The following NBAS variants were observed in gnomAD, a reference collection of about 807,000 sequenced individuals.
NBAS encodes NBAS subunit of NRZ tethering complex.
A neutral mutation model predicts 302.5 loss-of-function variants in NBAS; 219 were observed. The observed-to-expected ratio is 0.72, with a 90% CI of 0.65 to 0.81. NBAS has a LOEUF of 0.81. Ranked by LOEUF, NBAS falls within the 30% of genes least tolerant of loss-of-function variation. The pLI is 0.00. For synonymous variants in NBAS, 1,118 were observed against 1,021.6 expected, an observed-to-expected ratio of 1.09 and a Z score of -1.80; for missense variants, 2,932 against 2,841.6, an observed-to-expected ratio of 1.03 and a Z score of -0.72.
chr2:15,149,034 G>A, the NBAS span, among the ~76,000 whole-genome samples: 3 of 152,192 alleles, frequency 2.0e-5, no homozygotes, highest in African/African-American at 7.2e-5. Context: ...CAGTTAAATG[G>A]TTAAATGAAT....
At position 15,468,533 on chromosome 2, in the gene NBAS, T is replaced by G. The variant is rs753777621; in HGVS notation, c.1726A>C (p.Ser576Arg). ...ACCCAGGATCGCTTCTTTATTTTAC[T>G]CTGCATATAAAGGAAGAAACAGAGG... ...VNVASIQNYL[S>R]KIKKRSWVLH... Residue 576 changes from serine to arginine, a missense_variant and splice_region_variant, in exon 17 of 52, where the codon AGT (serine) becomes CGT (arginine). Ser to Arg is a moderately radical substitution (Grantham distance 110). Coordinates refer to ENST00000281513, the MANE Select transcript of NBAS (RefSeq NM_015909.4). 9.9e-6 allele frequency: 16 copies of G among 1,613,780 alleles called. No homozygotes were observed. Among genetic ancestry groups the G allele is most frequent in the Non-Finnish European group, 1.2e-5 (14 of 1,179,720 alleles).
chr2:14,881,668 G>T, the NBAS span, among the ~76,000 whole-genome samples: 3 of 152,182 alleles, frequency 2.0e-5, no homozygotes, highest in Admixed American at 6.5e-5. Context: ...GCCAGCCAGG[G>T]CCTGTGGGCT....
At chr2:15,038,483 C>A in the NBAS span, among the ~76,000 whole-genome samples, 2 of 152,148 alleles carry the variant, frequency 1.3e-5, no homozygotes, top group Non-Finnish European at 2.9e-5. Flanking sequence ...TCACTTCGGT[C>A]TGCACATCTC....
At chr2:14,891,332 T>G in the NBAS span, among the ~76,000 whole-genome samples, 1 of 151,504 alleles carries the variant, frequency 6.6e-6, no homozygotes, top group African/African-American at 2.4e-5. Flanking sequence ...CTTTAAAATG[T>G]TTGATTTTTT....
At chr2:15,030,879 A>G in the NBAS span, among the ~76,000 whole-genome samples, 1 of 152,112 alleles carries the variant, frequency 6.6e-6, no homozygotes, top group Non-Finnish European at 1.5e-5. Context: ...GTCTCCAGAC[A>G]TTGCTGATGT....
At chr2:14,901,807 G>A in the NBAS span, among the ~76,000 whole-genome samples, 1 of 152,194 alleles carries the variant, frequency 6.6e-6, no homozygotes, top group Non-Finnish European at 1.5e-5. Context: ...CTCTCCTTCA[G>A]TGATGGCTCC....
the NBAS span, among the ~76,000 whole-genome samples, chr2:14,786,947 G>A: frequency 6.6e-6 from 1 of 152,108 alleles, no homozygotes; most frequent in Non-Finnish European, 1.5e-5. Flanking sequence ...TTATTATTGT[G>A]TGGGAGTCTA....
chr2:15,297,923 A>G (rs1188450422), intron 40 of NBAS, among the ~76,000 whole-genome samples: 1 of 152,056 alleles, frequency 6.6e-6, no homozygotes, highest in African/African-American at 2.4e-5. Context: ...TCAACTGGAT[A>G]TTCTATTTGA....
At chr2:15,458,287 G>A (rs912975946) in intron 21 of NBAS, among the ~76,000 whole-genome samples, 3 of 152,124 alleles carry the variant, frequency 2.0e-5, no homozygotes, top group Admixed American at 2.0e-4. Flanking sequence ...TATGCCTGAA[G>A]CACAAGTGTG....
the NBAS span, among the ~76,000 whole-genome samples, chr2:14,872,542 A>T: frequency 1.3e-5 from 2 of 152,082 alleles, no homozygotes; most frequent in Non-Finnish European, 1.5e-5. Flanking sequence ...TCCTTCTGAT[A>T]TTTGGAAGTG....
At chr2:15,113,343 G>GTT in the NBAS span, among the ~76,000 whole-genome samples, 1 of 151,264 alleles carries the variant, frequency 6.6e-6, no homozygotes, top group African/African-American at 2.4e-5. Context: ...GTGTGTGTGT[G>GTT]TGTGTGTGTG....
chr2:15,340,283 CA>C (rs1672784270), intron 35 of NBAS, among the ~76,000 whole-genome samples: 1 of 152,060 alleles, frequency 6.6e-6, no homozygotes, highest in Admixed American at 6.6e-5. Context: ...AAATGGAGCC[CA>C]ATTCTGAGTC....
intron 44 of NBAS, among the ~76,000 whole-genome samples, chr2:15,256,625 T>G (rs926888945): frequency 6.6e-6 from 1 of 152,208 alleles, no homozygotes; most frequent in Non-Finnish European, 1.5e-5. Flanking sequence ...GGCATCCTTG[T>G]CTTATTCCAG....
At chr2:15,231,869 C>A (rs1667396027) in intron 47 of NBAS, among the ~76,000 whole-genome samples, 1 of 152,142 alleles carries the variant, frequency 6.6e-6, no homozygotes, top group Admixed American at 6.5e-5. Flanking sequence ...ATTTCGAGGA[C>A]ATGCATAACT....
downstream of NBAS, among the ~76,000 whole-genome samples, chr2:15,162,815 A>C (rs1443020445): frequency 6.6e-6 from 1 of 152,186 alleles, no homozygotes; most frequent in Non-Finnish European, 1.5e-5. Flanking sequence ...ATGAGTTTGA[A>C]GTTATTAAGA....
rs952464130 is a variant in NBAS, at chr2:15,561,075, G to C, written c.117+113C>G. 8 of 781,034 alleles carry C rather than the reference G, an allele frequency of 1.0e-5. No homozygotes were observed. The African/African-American group carries it at 1.1e-4, about 10-fold the overall frequency. 48.4% of individuals were successfully genotyped at this position (781,034 alleles called of 1,614,324 possible). A position where few individuals can be genotyped will look rare whatever the true frequency, so the allele number is the denominator to read the frequency against. On this transcript the variant is annotated intron_variant, in intron 1 of 51. Transcript: ENST00000281513. Reference sequence around the variant, plus strand: ...CCAAGGCGACCGCACAAGCCAACCGGCCCTAGTCCCCCACCCACCCGTCTC... The same window carrying C: ...CCAAGGCGACCGCACAAGCCAACCGCCCCTAGTCCCCCACCCACCCGTCTC...
At chr2:15,040,048 C>T in the NBAS span, among the ~76,000 whole-genome samples, 1 of 152,158 alleles carries the variant, frequency 6.6e-6, no homozygotes, top group African/African-American at 2.4e-5. Context: ...GAGCACTCTG[C>T]GAGGATGGAA....
chr2:15,553,378 A>T, intron 5 of NBAS, 48 bp downstream of exon 5: 1 of 1,498,918 alleles, frequency 6.7e-7, no homozygotes, highest in Non-Finnish European at 9.3e-7. Context: ...ATAGAGTAAC[A>T]AATATTTCTC....
intron 6 of NBAS, among the ~76,000 whole-genome samples, chr2:15,549,104 C>T (rs1457068560): frequency 6.6e-6 from 1 of 152,092 alleles, no homozygotes; most frequent in African/African-American, 2.4e-5. Flanking sequence ...AGACACTATG[C>T]CGAGAGTTTT....
Sources: allele counts gnomAD v4.1 joint callset (sites outside exome capture counted in the v4.1 genomes callset), GRCh38; gene constraint gnomAD v4.1.1; transcripts MANE v1.5; gene names NCBI Gene and HGNC (gene_info 2026-07-23, HGNC 2026-07-21).